Variants in NPIPB15 observed in about 807,000 individuals in gnomAD.
The protein encoded by NPIPB15 is nuclear pore complex interacting protein family member B15.
Under a neutral mutation model 35.9 loss-of-function variants are expected in NPIPB15, and 5 were observed. The ratio of observed to expected loss-of-function variants is 0.14; its 90% CI spans 0.07 to 0.29. The LOEUF is 0.29. Ranked by LOEUF, NPIPB15 falls within the 10% of genes least tolerant of loss-of-function variation. NPIPB15 has a pLI of 1.00. For missense variants in NPIPB15, 100 were observed against 506.1 expected, an observed-to-expected ratio of 0.20 and a Z score of 7.70; for synonymous variants, 43 against 182.0, an observed-to-expected ratio of 0.24 and a Z score of 6.15.
rs1052407324 is a variant in NPIPB15, at chr16:74,387,428, T to G, written c.545+1679T>G. Among the ~76,000 whole-genome samples, 2 of 149,776 alleles carry G rather than the reference T, an allele frequency of 1.3e-5. 1 individual carries two copies. Among genetic ancestry groups the G allele is most frequent in the Non-Finnish European group, 2.9e-5 (2 of 67,976 alleles). On this transcript the variant is annotated intron_variant, in intron 5 of 7. Transcript: ENST00000692376. The stretch of plus-strand genomic sequence containing the variant: ...CCATCTTCACCTCATGTCTGTTTAC[T>G]GCCATGTTAGCTATTTGATGTATTC...
chr16:74,384,719 T>A (rs2012172515), intron 3 of NPIPB15, among the ~76,000 whole-genome samples: 2 of 131,124 alleles, frequency 1.5e-5, no homozygotes, highest in African/African-American at 2.9e-5. Flanking sequence ...TCAATTTTGT[T>A]GCCCAGGTTT....
chr16:74,381,148 C>CAAAAAAAAAAAAAAA (rs1166274271), intron 2 of NPIPB15, among the ~76,000 whole-genome samples: 44 of 73,846 alleles, frequency 6.0e-4, no homozygotes, highest in African/African-American at 2.3e-3. Flanking sequence ...ACTCTGTCTC[C>CAAAAAAAAAAAAAAA]AAAAAAAAAA....
intron 2 of NPIPB15, 53 bp from the exon 3 acceptor site, chr16:74,381,463 A>T: frequency 6.4e-7 from 1 of 1,556,982 alleles, no homozygotes; most frequent in Non-Finnish European, 8.7e-7. Flanking sequence ...TTTCTGAGTG[A>T]AATATTGTCG....
At chr16:74,384,999 GTGTGTGTGTGTGT>G (rs2012192693) in intron 3 of NPIPB15, among the ~76,000 whole-genome samples, 1 of 34,154 alleles carries the variant, frequency 2.9e-5, no homozygotes, top group Non-Finnish European at 5.3e-5. Flanking sequence ...TCTTGTGTGT[GTGTGTGTGTGTGT>G]GTGTGTGTGT....
intron 2 of NPIPB15, among the ~76,000 whole-genome samples, chr16:74,379,147 C>A (rs2011845868): frequency 6.6e-6 from 1 of 152,262 alleles, no homozygotes; most frequent in Non-Finnish European, 1.5e-5. Flanking sequence ...CCCACTCTTC[C>A]CAGCCAGTCT....
intron 3 of NPIPB15, among the ~76,000 whole-genome samples, chr16:74,381,974 G>A (rs1456741797): frequency 9.0e-6 from 1 of 111,728 alleles, no homozygotes; most frequent in African/African-American, 3.6e-5. Context: ...GGAGTATGAG[G>A]TTTCGTCACT....
chr16:74,386,231 T>C (rs1425834145), intron 5 of NPIPB15, among the ~76,000 whole-genome samples: 1 of 131,454 alleles, frequency 7.6e-6, no homozygotes, highest in Non-Finnish European at 1.6e-5. Context: ...GTAATCCACC[T>C]GCCTCAGCCT....
intron 3 of NPIPB15, among the ~76,000 whole-genome samples, chr16:74,382,628 C>A (rs552359322): frequency 1.3e-5 from 2 of 152,372 alleles, no homozygotes; most frequent in East Asian, 3.9e-4. Context: ...TTTGTCTTAC[C>A]ATTCATGACA....
chr16:74,389,156 C>A, intron 5 of NPIPB15, among the ~76,000 whole-genome samples: 1 of 138,026 alleles, frequency 7.2e-6, no homozygotes, highest in East Asian at 2.4e-4. Context: ...AAGGACTATG[C>A]CTGTTTATAA....
chr16:74,391,332 C>G, intron 7 of NPIPB15, 59 bp from the exon 8 acceptor site: 2 of 1,575,258 alleles, frequency 1.3e-6, no homozygotes, highest in Non-Finnish European at 1.7e-6. Flanking sequence ...GTGTTGGTGG[C>G]GGTAATTTTG....
At chr16:74,377,531 G>C (rs541069756) in intron 1 of NPIPB15, among the ~76,000 whole-genome samples, 185 bp downstream of exon 1, 1 of 152,114 alleles carries the variant, frequency 6.6e-6, no homozygotes, top group Non-Finnish European at 1.5e-5. Flanking sequence ...GGCCCAGACC[G>C]AAGAAGGTTT....
Position 74,391,460 on chromosome 16 carries a change from G to C in NPIPB15, c.712G>C (p.Ala238Pro), listed in dbSNP as rs6564065. ...LPCWPYLTAE[A>P]LKNRMGRQPP... ...CTGCTGGCCCTACCTCACAGCTGAA[G>C]CTTTAAAAAACAGGATGGGCCGCCA... Residue 238 changes from alanine (A) to proline (P), a missense_variant, in exon 8 of 8, where the codon GCT (alanine) becomes CCT (proline). Transcript: ENST00000692376. 1 of 1,563,378 alleles carries C rather than the reference G, an allele frequency of 6.4e-7. No homozygotes were observed. The highest frequency in any genetic ancestry group is 1.8e-5 in the Admixed American group (1 of 56,800).
intron 5 of NPIPB15, among the ~76,000 whole-genome samples, chr16:74,389,371 GTTT>G (rs1304610446): frequency 7.0e-6 from 1 of 142,276 alleles, no homozygotes; most frequent in African/African-American, 2.8e-5. Context: ...CAGTTTTTTT[GTTT>G]TTGTTTTTGT....
intron 3 of NPIPB15, among the ~76,000 whole-genome samples, chr16:74,385,084 G>A (rs1403927482): frequency 2.1e-5 from 3 of 146,144 alleles, no homozygotes; most frequent in South Asian, 4.6e-4. Context: ...GTGTGATCTC[G>A]GCTCACTGCA....
At chr16:74,384,991 TTGTGTGTGTGTG>T (rs199888896) in intron 3 of NPIPB15, among the ~76,000 whole-genome samples, 1,440 of 93,172 alleles carry the variant, frequency 0.015, 11 homozygotes, top group African/African-American at 0.044. Context: ...CATGTCATTC[TTGTGTGTGTGTG>T]TGTGTGTGTG....
At chr16:74,378,972 G>A (rs2011834283) in intron 2 of NPIPB15, among the ~76,000 whole-genome samples, 1 of 151,950 alleles carries the variant, frequency 6.6e-6, no homozygotes, top group African/African-American at 2.4e-5. Context: ...AGCTAATTTT[G>A]TATTTTTAGT....
In NPIPB15 at chr16:74,388,372, C is replaced by T. The variant is rs186732370; in HGVS notation, c.546-1453C>T. 122 of 906,134 alleles carry T rather than the reference C, an allele frequency of 1.3e-4. 1 individual carries two copies. Among genetic ancestry groups the T allele is most frequent in the African/African-American group, 9.7e-4 (49 of 50,466 alleles). 56.1% of individuals were successfully genotyped at this position (906,134 alleles called of 1,614,324 possible). A position where few individuals can be genotyped will look rare whatever the true frequency, so the allele number is the denominator to read the frequency against. On this transcript the variant is annotated intron_variant, in intron 5 of 7. Coordinates refer to ENST00000692376, the MANE Select transcript of NPIPB15 (RefSeq NM_001306094.2). ...TTCACACTGAACTAAAATGATCTTT[C>T]GCTGTGTCAAACACAAGACTGACCC...
chr16:74,386,413 C>A (rs1384693601), intron 5 of NPIPB15, among the ~76,000 whole-genome samples: 1 of 134,780 alleles, frequency 7.4e-6, no homozygotes, highest in Non-Finnish European at 1.6e-5. Context: ...GCCTCAGCTT[C>A]CTGAGTAGCT....
intron 2 of NPIPB15, among the ~76,000 whole-genome samples, chr16:74,378,776 C>T (rs1267870509): frequency 1.3e-5 from 2 of 150,710 alleles, no homozygotes; most frequent in African/African-American, 4.9e-5. Flanking sequence ...TAAACCGACC[C>T]CCTTTCAAGA....
Sources: allele counts gnomAD v4.1 joint callset (sites outside exome capture counted in the v4.1 genomes callset), GRCh38; gene constraint gnomAD v4.1.1; transcripts MANE v1.5; gene names NCBI Gene and HGNC (gene_info 2026-07-23, HGNC 2026-07-21).